ANK3: variants seen among roughly 807,000 people sequenced by gnomAD.
ANK3 encodes the protein ankyrin-3.
ANK3 carries 57 observed loss-of-function variants against 370.9 expected under a neutral mutation model. The observed-to-expected ratio is 0.15, with a 90% CI of 0.12 to 0.19. The LOEUF is 0.19. Among genes scored for constraint, ANK3 ranks in the 10% least tolerant of loss-of-function variants. The probability of loss-of-function intolerance (pLI) is 1.00; values close to 1 mark genes in which losing one functional copy is unlikely to be tolerated. For missense variants in ANK3, 4,439 were observed against 5,302.1 expected (o/e 0.84, Z 5.06); for synonymous variants, 1,929 against 1,946.3 (o/e 0.99, Z 0.23).
chr10:60,295,767 A>T (rs935525779), intron 1 of ANK3, among the ~76,000 whole-genome samples: 1 of 152,358 alleles, frequency 6.6e-6, no homozygotes, highest in Non-Finnish European at 1.5e-5. Context: ...TTTAAAAATT[A>T]ATCATTAATT....
intron 2 of ANK3, among the ~76,000 whole-genome samples, chr10:60,469,018 T>TATATATAC (rs1487944754): frequency 1.5e-5 from 1 of 67,658 alleles, no homozygotes; most frequent in African/African-American, 4.9e-5. Flanking sequence ...TATATATATA[T>TATATATAC]ACCACTTTTA....
At chr10:60,574,902 C>A (rs1013910051) in intron 2 of ANK3, among the ~76,000 whole-genome samples, 4 of 152,132 alleles carry the variant, frequency 2.6e-5, no homozygotes, top group Non-Finnish European at 5.9e-5. Flanking sequence ...CCAAAAGAAG[C>A]CTTTGTCAAC....
At chr10:60,120,344 T>C (rs10761458) in intron 25 of ANK3, among the ~76,000 whole-genome samples, 53,621 of 151,710 alleles carry the variant, frequency 0.35, 11,119 homozygotes, top group East Asian at 0.7. Flanking sequence ...ATCTAAGACC[T>C]CAAACTATGA....
At chr10:60,704,832 A>G (rs908146549) in intron 1 of ANK3, among the ~76,000 whole-genome samples, 2 of 152,178 alleles carry the variant, frequency 1.3e-5, no homozygotes, top group Admixed American at 1.3e-4. Context: ...ATCTCCTAGC[A>G]CTCCAAGTTA....
chr10:60,643,132 T>C (rs1046265826), intron 1 of ANK3, among the ~76,000 whole-genome samples: 6 of 152,152 alleles, frequency 3.9e-5, no homozygotes, highest in Non-Finnish European at 7.3e-5. Context: ...TGATGGTTAA[T>C]AGTGAGTGGC....
At chr10:60,108,283 T>A (rs2092397134) in intron 27 of ANK3, 1 of 399,134 alleles carries the variant, frequency 2.5e-6, no homozygotes, top group Non-Finnish European at 4.8e-6. Context: ...GAAGATGCAG[T>A]TTACTGAATA....
intron 5 of ANK3, among the ~76,000 whole-genome samples, chr10:60,265,475 T>C (rs2097862403): frequency 6.6e-6 from 1 of 152,192 alleles, no homozygotes; most frequent in African/African-American, 2.4e-5. Context: ...CCTAGAGTTG[T>C]TGAATGTAGA....
At chr10:60,614,297 G>C (rs552792996) in intron 2 of ANK3, among the ~76,000 whole-genome samples, 14 of 152,122 alleles carry the variant, frequency 9.2e-5, no homozygotes, top group African/African-American at 3.4e-4. Flanking sequence ...GACATCTTAG[G>C]AAAAAATAAT....
intron 1 of ANK3, among the ~76,000 whole-genome samples, chr10:60,654,619 T>C (rs1455175390): frequency 6.6e-6 from 1 of 152,228 alleles, no homozygotes; most frequent in Non-Finnish European, 1.5e-5. Context: ...TTAAACTTGC[T>C]TTCCTGAAAT....
Position 60,058,630 on chromosome 10 carries a change from G to T in ANK3, c.12686+710C>A, listed in dbSNP as rs79008899. Among the ~76,000 whole-genome samples the T allele has an allele frequency of 6.2e-3, 947 of 152,318 alleles. 12 individuals carry two copies. The highest frequency in any genetic ancestry group is 0.022 in the African/African-American group (903 of 41,564). On this transcript the variant is annotated intron_variant, in intron 41 of 43. Transcript: ENST00000280772. ...AAAATCCACCAAAATGTTATTGGTAGATGATGGGGTGTATTGATTTGTTTA... is the reference window on the plus strand; with the variant it reads ...AAAATCCACCAAAATGTTATTGGTATATGATGGGGTGTATTGATTTGTTTA...
chr10:60,718,143 G>T (rs979951513), intron 1 of ANK3, among the ~76,000 whole-genome samples: 3 of 152,212 alleles, frequency 2.0e-5, no homozygotes, highest in African/African-American at 4.8e-5. Context: ...AATATATGCT[G>T]TTTGGTTGTA....
intron 16 of ANK3, among the ~76,000 whole-genome samples, chr10:60,195,699 A>G (rs893628790): frequency 5.3e-5 from 8 of 152,186 alleles, no homozygotes; most frequent in African/African-American, 1.9e-4. Context: ...AGGCCCTAAC[A>G]ATAAAGATCC....
rs761657119 is a variant in ANK3, at chr10:60,070,930, T to G, written c.9951A>C (p.Ser3317=). The change falls in exon 37 of 44, where the codon TCA becomes TCC. Residue 3317 remains serine (S), a synonymous_variant. Coordinates refer to ENST00000280772, the MANE Select transcript of ANK3 (RefSeq NM_020987.5). This position sits in a 1 kb window ranked among gnomAD's most constrained non-coding sequence, Gnocchi z 5.7. ...PVPPGADVSD[S]SDDESIYQPV... ...GCTGATAAATAGATTCGTCATCGCT[T>G]GAATCACTGACGTCTGCCCCGGGAG... is the stretch of plus-strand genomic sequence containing the variant. 4 of 1,614,120 alleles carry G rather than the reference T, an allele frequency of 2.5e-6. No individual in the cohort carries two copies. Among genetic ancestry groups the G allele is most frequent in the South Asian group, 1.1e-5 (1 of 91,084 alleles).
chr10:60,343,219 T>G (rs1034785568), intron 1 of ANK3, among the ~76,000 whole-genome samples: 1 of 152,150 alleles, frequency 6.6e-6, no homozygotes, highest in Admixed American at 6.6e-5. Context: ...TATTAGATAA[T>G]TTATCACAGT....
At chr10:60,697,065 C>A (rs1268284388) in intron 1 of ANK3, among the ~76,000 whole-genome samples, 1 of 150,382 alleles carries the variant, frequency 6.6e-6, no homozygotes, top group Non-Finnish European at 1.5e-5. Context: ...TCTCAGGATA[C>A]AAAATCAATG....
intron 1 of ANK3, among the ~76,000 whole-genome samples, chr10:60,321,493 T>C (rs1002279126): frequency 1.3e-5 from 2 of 152,156 alleles, no homozygotes; most frequent in African/African-American, 4.8e-5. Flanking sequence ...GACAGGTAAA[T>C]ATATGTGGAC....
upstream of ANK3, among the ~76,000 whole-genome samples, chr10:60,392,712 T>C (rs4948415): frequency 0.74 from 112,131 of 151,892 alleles, 41,687 homozygotes; most frequent in South Asian, 0.9. Flanking sequence ...GCAGATCACT[T>C]GAGGTCAGGA....
At chr10:60,066,871 T>G (rs1438526059) in intron 38 of ANK3, among the ~76,000 whole-genome samples, 2 of 152,180 alleles carry the variant, frequency 1.3e-5, no homozygotes, top group African/African-American at 4.8e-5. Flanking sequence ...AAAATTACAA[T>G]GCAGAATTGT....
At chr10:60,342,757 A>G (rs2054549818) in intron 1 of ANK3, among the ~76,000 whole-genome samples, 1 of 152,154 alleles carries the variant, frequency 6.6e-6, no homozygotes, top group Non-Finnish European at 1.5e-5. Flanking sequence ...TCTGGAATCG[A>G]GAGATCCTAT....
Sources: gnomAD v4.1 joint callset for allele counts (sites outside exome capture counted in the v4.1 genomes callset) on GRCh38, gnomAD v4.1.1 for gene constraint, Gnocchi (gnomAD v3.1) non-coding constraint, MANE v1.5 for transcripts, NCBI Gene and HGNC (gene_info 2026-07-23, HGNC 2026-07-21) for gene names.